GPR39: variants seen among roughly 807,000 people sequenced by gnomAD.
GPR39 encodes the protein G protein-coupled receptor 39, also known as zinc sensing receptor.
GPR39 carries 23 observed loss-of-function variants against 18.4 expected under a neutral mutation model. The observed-to-expected ratio is 1.25, with a 90% CI of 0.90 to 1.77. The LOEUF (loss-of-function observed/expected upper bound fraction) is 1.77, where lower values mean the gene tolerates loss of function less well. Ranked by LOEUF, GPR39 falls within the 40% of genes most tolerant of loss-of-function variation. The probability of loss-of-function intolerance (pLI) is 0.00; values close to 1 mark genes in which losing one functional copy is unlikely to be tolerated. For missense variants in GPR39, 647 were observed against 602.4 expected (o/e 1.07, Z -0.78); for synonymous variants, 280 against 257.9 (o/e 1.09, Z -0.82).
At chr2:132,505,618 T>G (rs1213905762) in intron 1 of GPR39, among the ~76,000 whole-genome samples, 1 of 152,196 alleles carries the variant, frequency 6.6e-6, no homozygotes, top group East Asian at 1.9e-4. Flanking sequence ...GGATTCACCT[T>G]GATAGCTCCT....
At chr2:132,441,126 ATAGTT>A (rs1680430799) in intron 1 of GPR39, among the ~76,000 whole-genome samples, 1 of 152,146 alleles carries the variant, frequency 6.6e-6, no homozygotes, top group African/African-American at 2.4e-5. Flanking sequence ...ACAAATAAGT[ATAGTT>A]ACATGCCTGT....
intron 1 of GPR39, among the ~76,000 whole-genome samples, chr2:132,522,643 G>A (rs1331044524): frequency 6.6e-6 from 1 of 152,166 alleles, no homozygotes; most frequent in African/African-American, 2.4e-5. Context: ...AGCAAGATTG[G>A]GCCCATAATT....
At chr2:132,455,931 G>A (rs1350825245) in intron 1 of GPR39, among the ~76,000 whole-genome samples, 1 of 151,872 alleles carries the variant, frequency 6.6e-6, no homozygotes, top group East Asian at 1.9e-4. Flanking sequence ...AGTGTGATGT[G>A]GTGCTGAGAA....
intron 1 of GPR39, among the ~76,000 whole-genome samples, chr2:132,597,051 A>G (rs937346774): frequency 2.0e-5 from 3 of 152,182 alleles, no homozygotes; most frequent in African/African-American, 4.8e-5. Context: ...CCTCAAGGCC[A>G]TAAAGAGTCC....
chr2:132,635,655 G>A (rs1350217295), intron 1 of GPR39, among the ~76,000 whole-genome samples: 1 of 152,112 alleles, frequency 6.6e-6, no homozygotes, highest in Non-Finnish European at 1.5e-5. Context: ...GGCCTAGCAG[G>A]TCATGGGGCC....
chr2:132,604,132 C>T (rs1479098975), intron 1 of GPR39, among the ~76,000 whole-genome samples: 1 of 152,092 alleles, frequency 6.6e-6, no homozygotes, highest in Non-Finnish European at 1.5e-5. Flanking sequence ...TGTGAGATAA[C>T]CTATCCCACA....
At chr2:132,424,964 C>G (rs895118379) in intron 1 of GPR39, among the ~76,000 whole-genome samples, 1 of 152,104 alleles carries the variant, frequency 6.6e-6, no homozygotes, top group Non-Finnish European at 1.5e-5. Flanking sequence ...TTTCCCAGCA[C>G]GGAGGCCCAA....
chr2:132,439,415 A>G (rs1238805202), intron 1 of GPR39, among the ~76,000 whole-genome samples: 1 of 152,238 alleles, frequency 6.6e-6, no homozygotes, highest in Non-Finnish European at 1.5e-5. Context: ...AGGAGGACAG[A>G]TTATCCTGTT....
intron 1 of GPR39, among the ~76,000 whole-genome samples, chr2:132,495,161 G>A (rs1476028011): frequency 6.6e-6 from 1 of 152,208 alleles, no homozygotes; most frequent in East Asian, 1.9e-4. Context: ...AAGAGGAAGA[G>A]AGCATCATAG....
At chr2:132,626,169 C>G (rs1189335994) in intron 1 of GPR39, among the ~76,000 whole-genome samples, 1 of 152,104 alleles carries the variant, frequency 6.6e-6, no homozygotes, top group Non-Finnish European at 1.5e-5. Flanking sequence ...GGTGACACTG[C>G]TGGTTAGTAC....
At chr2:132,517,136 C>T (rs1005201702) in intron 1 of GPR39, among the ~76,000 whole-genome samples, 9 of 151,638 alleles carry the variant, frequency 5.9e-5, no homozygotes, top group Admixed American at 2.6e-4. Context: ...AAAGTCACTC[C>T]GTTTGTGTGT....
chr2:132,538,680 G>C (rs78327247), intron 1 of GPR39, among the ~76,000 whole-genome samples: 2 of 152,134 alleles, frequency 1.3e-5, no homozygotes, highest in Non-Finnish European at 2.9e-5. Context: ...CCCTCCCCCC[G>C]GGTGCTCTGT....
Position 132,503,378 on chromosome 2 carries a change from T to C in GPR39, c.856+85480T>C, listed in dbSNP as rs562924650. 5.9e-5 allele frequency among the ~76,000 whole-genome samples: 9 copies of C among 152,326 alleles called. No homozygotes were observed. In the South Asian group the frequency reaches 1.9e-3, roughly 32 times the overall value. The stretch of plus-strand genomic sequence containing the variant: ...CCACCTAGTAGAGCTACTGGGCTCC[T>C]GGCTGGTACTGGGGAATGTCAGCAA... On this transcript the variant is annotated intron_variant, in intron 1 of 1. Coordinates refer to ENST00000329321, the MANE Select transcript of GPR39 (RefSeq NM_001508.3).
chr2:132,438,109 G>A (rs957620363), intron 1 of GPR39, among the ~76,000 whole-genome samples: 6 of 152,238 alleles, frequency 3.9e-5, no homozygotes, highest in African/African-American at 1.4e-4. Flanking sequence ...CTTCCTGGAG[G>A]AGGCAGCATT....
At chr2:132,603,825 A>T (rs937791988) in intron 1 of GPR39, among the ~76,000 whole-genome samples, 1 of 152,190 alleles carries the variant, frequency 6.6e-6, no homozygotes, top group Non-Finnish European at 1.5e-5. Context: ...CCTTTGAAGG[A>T]CTCAAGGCCA....
At chr2:132,575,854 C>T (rs950860223) in intron 1 of GPR39, among the ~76,000 whole-genome samples, 1 of 152,114 alleles carries the variant, frequency 6.6e-6, no homozygotes, top group African/African-American at 2.4e-5. Flanking sequence ...GGAGATGGAG[C>T]TTTGAGTGGT....
intron 1 of GPR39, among the ~76,000 whole-genome samples, chr2:132,530,697 T>C (rs895371689): frequency 6.6e-6 from 1 of 152,202 alleles, no homozygotes; most frequent in African/African-American, 2.4e-5. Context: ...GGGGCTCATA[T>C]TCAACATTCT....
chr2:132,485,177 A>C (rs1681307799), intron 1 of GPR39, among the ~76,000 whole-genome samples: 1 of 152,362 alleles, frequency 6.6e-6, no homozygotes, highest in African/African-American at 2.4e-5. Context: ...ATTTTTGTTT[A>C]CACAATCTGT....
chr2:132,458,832 G>C (rs1680782615), intron 1 of GPR39, among the ~76,000 whole-genome samples: 1 of 152,100 alleles, frequency 6.6e-6, no homozygotes, highest in South Asian at 2.1e-4. Context: ...AGTCAATAAA[G>C]ATGAGCAATT....
Sources: gnomAD v4.1 joint callset for allele counts (sites outside exome capture counted in the v4.1 genomes callset) on GRCh38, gnomAD v4.1.1 for gene constraint, MANE v1.5 for transcripts, NCBI Gene and HGNC (gene_info 2026-07-23, HGNC 2026-07-21) for gene names.